The following MYRIP variants were observed in gnomAD, a reference collection of about 807,000 sequenced individuals.
MYRIP encodes the protein rab effector MyRIP.
In MYRIP, 49 loss-of-function variants were observed where a neutral mutation model predicts 98.0. The ratio of observed to expected loss-of-function variants is 0.50; its 90% CI spans 0.40 to 0.63. The LOEUF (loss-of-function observed/expected upper bound fraction) is 0.63. Ranked by LOEUF, MYRIP falls within the 30% of genes least tolerant of loss-of-function variation. The pLI is 0.00. For synonymous variants in MYRIP, 404 were observed against 409.5 expected (o/e 0.99, Z 0.16); for missense variants, 1,004 against 1,058.2 (o/e 0.95, Z 0.71).
At position 40,259,270 on chromosome 3, in the gene MYRIP, G is replaced by GTGTT. The variant is rs1194640562; in HGVS notation, c.*1106_*1109dup. 1 of 152,198 alleles carries GTGTT rather than the reference G, an allele frequency of 6.6e-6. No individual in the cohort carries two copies. Among genetic ancestry groups the GTGTT allele is most frequent in the African/African-American group, 2.4e-5 (1 of 41,446 alleles). The allele number at this position is 152,198 out of a possible 1,614,324, so 9.4% of individuals were successfully genotyped here. A position where few individuals can be genotyped will look rare whatever the true frequency, so the allele number is the denominator to read the frequency against. On this transcript the variant is annotated 3_prime_UTR_variant, in exon 17 of 17. Coordinates refer to ENST00000302541, the MANE Select transcript of MYRIP (RefSeq NM_015460.4). ...CATATCAAATGTATGACTATTTAGA[G>GTGTT]TGTTTATAAGAGATAATGGAACTGA...
intron 2 of MYRIP, among the ~76,000 whole-genome samples, chr3:39,935,560 A>G (rs1356358147): frequency 6.6e-6 from 1 of 152,114 alleles, no homozygotes; most frequent in Admixed American, 6.6e-5. Context: ...CCATATGGGA[A>G]TTTCTTCTCA....
intron 1 of MYRIP, among the ~76,000 whole-genome samples, chr3:39,842,273 C>G (rs1016120819): frequency 8.5e-5 from 13 of 152,152 alleles, no homozygotes; most frequent in African/African-American, 3.1e-4. Flanking sequence ...GGGAAAACCA[C>G]CTACTCAACC....
chr3:39,880,014 T>C (rs1355019532), intron 1 of MYRIP, among the ~76,000 whole-genome samples: 1 of 152,146 alleles, frequency 6.6e-6, no homozygotes, highest in African/African-American at 2.4e-5. Context: ...ATATGGATCT[T>C]ACCCAGTGCA....
At chr3:39,884,994 A>G (rs903439190) in intron 1 of MYRIP, among the ~76,000 whole-genome samples, 3 of 140,120 alleles carry the variant, frequency 2.1e-5, no homozygotes, top group East Asian at 2.2e-4. Context: ...GGTGGTATAA[A>G]TTTACATTCC....
chr3:39,997,700 C>A (rs980184331), intron 2 of MYRIP, among the ~76,000 whole-genome samples: 1 of 152,122 alleles, frequency 6.6e-6, no homozygotes. Flanking sequence ...CAGCATCATC[C>A]TGATACCAAA....
At chr3:40,036,064 A>G (rs1430933996) in intron 2 of MYRIP, among the ~76,000 whole-genome samples, 3 of 151,932 alleles carry the variant, frequency 2.0e-5, no homozygotes, top group Non-Finnish European at 4.4e-5. Flanking sequence ...GAGAAAATAG[A>G]GCAGGAGACA....
intron 3 of MYRIP, among the ~76,000 whole-genome samples, chr3:40,150,434 A>G (rs897888724): frequency 1.1e-4 from 17 of 152,254 alleles, no homozygotes; most frequent in Non-Finnish European, 2.4e-4. Context: ...AGCATTAACC[A>G]GGAAACTACT....
chr3:39,974,436 G>C (rs1945690939), intron 2 of MYRIP, among the ~76,000 whole-genome samples: 1 of 152,076 alleles, frequency 6.6e-6, no homozygotes, highest in Admixed American at 6.6e-5. Flanking sequence ...AAAAGTCCAG[G>C]ACCAGATGGA....
intron 3 of MYRIP, among the ~76,000 whole-genome samples, chr3:40,127,761 C>G (rs1384154682): frequency 6.6e-6 from 1 of 152,206 alleles, no homozygotes; most frequent in African/African-American, 2.4e-5. Context: ...AGACTACAGA[C>G]ACGGTACAGC....
chr3:40,026,405 G>A (rs1357028152), intron 2 of MYRIP, among the ~76,000 whole-genome samples: 2 of 152,006 alleles, frequency 1.3e-5, no homozygotes, highest in East Asian at 1.9e-4. Context: ...CAGATTTCAT[G>A]TTGTTCAAAC....
At chr3:39,841,614 T>C (rs767923023) in intron 1 of MYRIP, among the ~76,000 whole-genome samples, 5 of 152,212 alleles carry the variant, frequency 3.3e-5, no homozygotes, top group African/African-American at 7.2e-5. Context: ...GTCTTTTATA[T>C]TGGTGACCTT....
At chr3:40,238,309 C>A (rs749904111) in intron 12 of MYRIP, among the ~76,000 whole-genome samples, 4 of 152,234 alleles carry the variant, frequency 2.6e-5, no homozygotes, top group East Asian at 3.8e-4. Flanking sequence ...GGGCGCGTTG[C>A]CTTGCTCTGC....
chr3:40,080,031 A>G (rs1575520784), intron 3 of MYRIP, among the ~76,000 whole-genome samples: 1 of 152,230 alleles, frequency 6.6e-6, no homozygotes, highest in East Asian at 1.9e-4. Flanking sequence ...ATAACATGTT[A>G]GTCATCACTA....
At chr3:39,870,525 T>G (rs1306375078) in intron 1 of MYRIP, among the ~76,000 whole-genome samples, 1 of 152,078 alleles carries the variant, frequency 6.6e-6, no homozygotes, top group East Asian at 1.9e-4. Context: ...AAGTCTTTTT[T>G]CTTTTTTTTT....
chr3:39,833,071 ATC>A (rs1383106484), intron 1 of MYRIP, among the ~76,000 whole-genome samples: 3 of 152,154 alleles, frequency 2.0e-5, no homozygotes, highest in Admixed American at 6.5e-5. Flanking sequence ...CTTAAAGGTA[ATC>A]AGACTGACAT....
chr3:39,878,462 A>C (rs1943069780), intron 1 of MYRIP, among the ~76,000 whole-genome samples: 1 of 152,170 alleles, frequency 6.6e-6, no homozygotes, highest in Non-Finnish European at 1.5e-5. Context: ...GCTGTAGACC[A>C]GAGCTGTTCC....
intron 4 of MYRIP, among the ~76,000 whole-genome samples, chr3:40,162,302 T>C (rs917548584): frequency 3.9e-5 from 6 of 152,188 alleles, no homozygotes; most frequent in African/African-American, 1.4e-4. Context: ...AGTGTACCCC[T>C]AATACCTAGG....
chr3:40,230,409 T>G (rs1258360134), intron 11 of MYRIP, among the ~76,000 whole-genome samples: 1 of 152,186 alleles, frequency 6.6e-6, no homozygotes, highest in Admixed American at 6.5e-5. Context: ...CCCCATCCAG[T>G]GCTAAATATA....
intron 2 of MYRIP, among the ~76,000 whole-genome samples, chr3:39,971,439 A>G (rs1945580958): frequency 6.6e-6 from 1 of 152,102 alleles, no homozygotes; most frequent in South Asian, 2.1e-4. Flanking sequence ...TAGATAGTGT[A>G]TATATTGATA....
Sources: gnomAD v4.1 joint callset for allele counts (sites outside exome capture counted in the v4.1 genomes callset) on GRCh38, gnomAD v4.1.1 for gene constraint, MANE v1.5 for transcripts, NCBI Gene and HGNC (gene_info 2026-07-23, HGNC 2026-07-21) for gene names.